COQ6: variants seen among roughly 807,000 people sequenced by gnomAD.
COQ6 encodes the protein ubiquinone biosynthesis monooxygenase COQ6, mitochondrial.
In COQ6, 45 loss-of-function variants were observed where a neutral mutation model predicts 55.5. The ratio of observed to expected loss-of-function variants is 0.81; its 90% CI spans 0.64 to 1.04. The LOEUF (loss-of-function observed/expected upper bound fraction) is 1.04, where lower values mean the gene tolerates loss of function less well. Ranked by LOEUF, COQ6 falls within the 50% of genes least tolerant of loss-of-function variation. COQ6 has a pLI of 0.00. For synonymous variants in COQ6, 206 were observed against 230.5 expected, an observed-to-expected ratio of 0.89 and a Z score of 0.96; for missense variants, 550 against 601.3, an observed-to-expected ratio of 0.91 and a Z score of 0.89.
rs1291372111 is a variant in COQ6 at position 73,955,496 on chromosome 14, T to TTCGGCGAATGCAGGTGCCCC, written c.346_357+8dup. Reference sequence around the variant, plus strand: ...ATCTGCAACATGAGATACAGAGCCTTTCGGCGAATGCAGGTGCCCCTTTAT... The same window carrying TTCGGCGAATGCAGGTGCCCC: ...ATCTGCAACATGAGATACAGAGCCTTTCGGCGAATGCAGGTGCCCCTCGGCGAATGCAGGTGCCCCTTTAT... On this transcript the variant is annotated frameshift_variant, in exon 3 of 12. Coordinates refer to ENST00000334571, the MANE Select transcript of COQ6 (RefSeq NM_182476.3). LOFTEE classifies it high-confidence loss of function. 3.1e-6 allele frequency: 5 copies of TTCGGCGAATGCAGGTGCCCC among 1,614,006 alleles called. No individual in the cohort carries two copies. Among genetic ancestry groups the TTCGGCGAATGCAGGTGCCCC allele is most frequent in the Non-Finnish European group, 4.2e-6 (5 of 1,179,970 alleles).
chr14:73,952,390 G>A (rs1254659748), intron 1 of COQ6, among the ~76,000 whole-genome samples: 1 of 151,906 alleles, frequency 6.6e-6, no homozygotes, highest in African/African-American at 2.4e-5. Context: ...CCAAAGTGCT[G>A]GGATTATAGG....
At position 73,950,627 on chromosome 14, in the gene COQ6, A is replaced by C. The variant is rs1020846144; in HGVS notation, c.163+132A>C. On this transcript the variant is annotated intron_variant, in intron 1 of 11. Coordinates refer to ENST00000334571, the MANE Select transcript of COQ6 (RefSeq NM_182476.3). ...CGCGACGCTTCTCCCCTCCCCTCCT[A>C]GAGGAACCCCAGGGCACGCCGGAAT... is the stretch of plus-strand genomic sequence containing the variant. The C allele has an allele frequency of 3.7e-6, 5 of 1,362,852 alleles. No homozygotes were observed. In the South Asian group the frequency reaches 5.8e-5, roughly 16 times the overall value. The allele number at this position is 1,362,852 out of a possible 1,614,324, so 84.4% of individuals were successfully genotyped here. A position where few individuals can be genotyped will look rare whatever the true frequency, so the allele number is the denominator to read the frequency against.
chr14:73,955,913 T>C lies in COQ6; in HGVS notation c.466T>C (p.Leu156=). The C allele has an allele frequency of 1.9e-6, 3 of 1,614,098 alleles. No homozygotes were observed. The highest frequency in any genetic ancestry group is 2.5e-6 in the Non-Finnish European group (3 of 1,180,012). ...DVIMHALTKQ[L]EAVSDRVTVL... is the part of the protein sequence containing the mutation. ...CATCATGCATGCTCTCACTAAGCAG[T>C]TGGAGGCTGTGTCTGGTGAGGCCCC... Residue 156 remains leucine, a synonymous_variant, in exon 4 of 12, where the codon TTG becomes CTG. Coordinates refer to ENST00000334571, the MANE Select transcript of COQ6 (RefSeq NM_182476.3).
chr14:73,955,630 G>T (rs758492591), intron 3 of COQ6, 121 bp downstream of exon 3: 1 of 1,347,238 alleles, frequency 7.4e-7, no homozygotes, highest in South Asian at 1.2e-5. Flanking sequence ...CATTCAGTCC[G>T]AGGAAGTGGG....
intron 1 of COQ6, among the ~76,000 whole-genome samples, chr14:73,951,251 C>T (rs1419790423): frequency 6.6e-6 from 1 of 152,214 alleles, no homozygotes; most frequent in African/African-American, 2.4e-5. Context: ...CTGCCTCAGC[C>T]TCCCAAAGTG....
At chr14:73,957,966 G>A (rs2056521196) in intron 4 of COQ6, 181 bp from the exon 5 acceptor site, 1 of 619,054 alleles carries the variant, frequency 1.6e-6, no homozygotes, top group Non-Finnish European at 2.9e-6. Flanking sequence ...TTGACATTGA[G>A]TTATCTCTGT....
In COQ6 at chr14:73,961,719, C is replaced by G. The variant is rs1365554235; in HGVS notation, c.1211-18C>G. Reference sequence around the variant, plus strand: ...CTTATTATTGGATTAGGGATTTAATCTTTCCTCTGCCCTTCAGGTTCCGTG... The same window carrying G: ...CTTATTATTGGATTAGGGATTTAATGTTTCCTCTGCCCTTCAGGTTCCGTG... On this transcript the variant is annotated intron_variant, in intron 10 of 11. Coordinates refer to ENST00000334571, the MANE Select transcript of COQ6 (RefSeq NM_182476.3). The G allele has an allele frequency of 1.1e-5, 18 of 1,613,948 alleles. No homozygotes were observed. Among genetic ancestry groups the G allele is most frequent in the Non-Finnish European group, 1.5e-5 (18 of 1,179,946 alleles).
At chr14:73,953,273 G>C (rs1478388727) in intron 1 of COQ6, among the ~76,000 whole-genome samples, 162 bp from the exon 2 acceptor site, 1 of 152,072 alleles carries the variant, frequency 6.6e-6, no homozygotes, top group Non-Finnish European at 1.5e-5. Flanking sequence ...AGCTAAAATG[G>C]TGGTATATGT....
At chr14:73,958,746 C>T in intron 5 of COQ6, 1 of 1,440,050 alleles carries the variant, frequency 6.9e-7, no homozygotes, top group South Asian at 1.4e-5. Flanking sequence ...GAGTTTAACT[C>T]ATGGCTGGCA....
intron 1 of COQ6, among the ~76,000 whole-genome samples, chr14:73,952,732 C>T (rs2056250380): frequency 6.6e-6 from 1 of 152,054 alleles, no homozygotes; most frequent in Admixed American, 6.6e-5. Context: ...GCTCTTGTTG[C>T]CCTGGCTGGA....
At chr14:73,950,016 C>G (rs764313493), upstream of COQ6, 2 of 1,612,828 alleles carry the variant, frequency 1.2e-6, no homozygotes, top group Non-Finnish European at 1.7e-6. Flanking sequence ...CTCAGGCCTC[C>G]CCACGGTCAT....
In COQ6 at chr14:73,959,515, C is replaced by T. The variant is rs1280668050; in HGVS notation, c.884C>T (p.Ser295Phe). 1 of 1,614,036 alleles carries T rather than the reference C, an allele frequency of 6.2e-7. No homozygotes were observed. Among genetic ancestry groups the T allele is most frequent in the South Asian group, 1.1e-5 (1 of 91,060 alleles). Residue 295 changes from serine to phenylalanine, a missense_variant, in exon 8 of 12, where the codon TCT (serine) becomes TTT (phenylalanine). Coordinates refer to ENST00000334571, the MANE Select transcript of COQ6 (RefSeq NM_182476.3). ...GAAAAATTTGTGGATGCCGTTAACTCTGCCTTTGTGAGTATCAATTTACCC... is the reference window on the plus strand; with the variant it reads ...GAAAAATTTGTGGATGCCGTTAACTTTGCCTTTGTGAGTATCAATTTACCC... The part of the protein sequence containing the change: ...DEEKFVDAVN[S>F]AFWSDADHTD...
At chr14:73,955,759 T>C (rs781594059) in intron 3 of COQ6, 46 bp from the exon 4 acceptor site, 1 of 1,613,944 alleles carries the variant, frequency 6.2e-7, no homozygotes, top group South Asian at 1.1e-5. Flanking sequence ...ATTGGAGTGA[T>C]GTTTCCCTCT....
chr14:73,958,964 CATGCAGATAG>C lies in COQ6; in HGVS notation c.613-6_616del, dbSNP rs1168951443. 6.2e-7 allele frequency: 1 copy of C among 1,613,562 alleles called. No homozygotes were observed. The highest frequency in any genetic ancestry group is 8.5e-7 in the Non-Finnish European group (1 of 1,180,018). On this transcript the variant is annotated splice_acceptor_variant and splice_polypyrimidine_tract_variant and coding_sequence_variant and intron_variant, in exon 6 of 12. Coordinates refer to ENST00000334571, the MANE Select transcript of COQ6 (RefSeq NM_182476.3). LOFTEE classifies it high-confidence loss of function. The stretch of plus-strand genomic sequence containing the variant: ...GGAAGACTTAGCAGGCTCATGTGTC[CATGCAGATAG>C]GTGCAGATGGTCACAACTCCGGAGT...
chr14:73,962,519 A>G (rs2140426988), intron 11 of COQ6, among the ~76,000 whole-genome samples: 1 of 151,918 alleles, frequency 6.6e-6, no homozygotes. Context: ...TGATCACATC[A>G]TTGTTACTCA....
intron 4 of COQ6, 152 bp from the exon 5 acceptor site, chr14:73,957,995 G>A: frequency 1.4e-6 from 1 of 724,026 alleles, no homozygotes; most frequent in Non-Finnish European, 2.5e-6. Flanking sequence ...TCATTTATTA[G>A]CTCAGACCAC....
intron 8 of COQ6, 24 bp downstream of exon 8, chr14:73,959,546 A>C (rs1281093556): frequency 6.2e-7 from 1 of 1,613,100 alleles, no homozygotes; most frequent in Admixed American, 1.7e-5. Flanking sequence ...TACCCAGCTG[A>C]TGATGTGCTG....
At chr14:73,953,653 G>A (rs1225860290) in intron 2 of COQ6, 84 bp downstream of exon 2, 11 of 1,568,940 alleles carry the variant, frequency 7.0e-6, no homozygotes, top group South Asian at 1.1e-5. Context: ...AGTCATCAGA[G>A]CATCTGACAA....
rs1428129141 is a variant in COQ6, at chr14:73,961,532, A to G, written c.1172A>G (p.His391Arg). The change falls in exon 10 of 12, where the codon CAT becomes CGT. Residue 391 changes from histidine to arginine, a missense_variant. Coordinates refer to ENST00000334571, the MANE Select transcript of COQ6 (RefSeq NM_182476.3). Reference protein sequence around the residue: ...MGFGDISSLAHHLSTAAFNGK... With the variant: ...MGFGDISSLARHLSTAAFNGK... The stretch of plus-strand genomic sequence containing the variant: ...TTTGGGGATATCTCCAGCTTGGCCC[A>G]TCACCTCAGTACGGCAGCCTTCAAT... 6.2e-7 allele frequency: 1 copy of G among 1,614,170 alleles called. No homozygotes were observed. Among genetic ancestry groups the G allele is most frequent in the Admixed American group, 1.7e-5 (1 of 60,008 alleles).
Sources: gnomAD v4.1 joint callset for allele counts (sites outside exome capture counted in the v4.1 genomes callset) on GRCh38, gnomAD v4.1.1 for gene constraint, MANE v1.5 for transcripts, NCBI Gene and HGNC (gene_info 2026-07-23, HGNC 2026-07-21) for gene names.